The following MAGI3 variants were observed in gnomAD, a reference collection of about 807,000 sequenced individuals.
The protein encoded by MAGI3 is membrane associated guanylate kinase, WW and PDZ domain containing 3, also known as membrane-associated guanylate kinase, WW and PDZ domain-containing protein 3.
MAGI3 carries 43 observed loss-of-function variants against 121.8 expected under a neutral mutation model. The ratio of observed to expected loss-of-function variants is 0.35; its 90% CI spans 0.28 to 0.46. The LOEUF (loss-of-function observed/expected upper bound fraction) is 0.46. Among genes scored for constraint, MAGI3 ranks in the 20% least tolerant of loss-of-function variants. The pLI is 1.00. For missense variants in MAGI3, 1,547 were observed against 1,797.3 expected (o/e 0.86, Z 2.52); for synonymous variants, 553 against 639.3 (o/e 0.86, Z 2.04).
intron 12 of MAGI3, among the ~76,000 whole-genome samples, chr1:113,648,834 C>G: frequency 6.6e-6 from 1 of 152,136 alleles, no homozygotes; most frequent in Non-Finnish European, 1.5e-5. Flanking sequence ...TACAGGCACT[C>G]TATACAGCAG....
intron 1 of MAGI3, among the ~76,000 whole-genome samples, chr1:113,489,844 A>G (rs1161707200): frequency 1.3e-5 from 2 of 152,116 alleles, no homozygotes; most frequent in Non-Finnish European, 2.9e-5. Flanking sequence ...TAGAGGCAAA[A>G]GAATGAAAAG....
intron 6 of MAGI3, among the ~76,000 whole-genome samples, chr1:113,603,844 T>C (rs1649565711): frequency 6.6e-6 from 1 of 152,046 alleles, no homozygotes; most frequent in African/African-American, 2.4e-5. Context: ...ACAAATTACA[T>C]GAATTGGCAT....
At chr1:113,487,078 A>G (rs977207094) in intron 1 of MAGI3, among the ~76,000 whole-genome samples, 7 of 152,176 alleles carry the variant, frequency 4.6e-5, no homozygotes, top group African/African-American at 1.2e-4. Flanking sequence ...CTAAAATTCT[A>G]TGGCTTTCAA....
chr1:113,476,279 G>T (rs1655814821), intron 1 of MAGI3, among the ~76,000 whole-genome samples: 1 of 151,942 alleles, frequency 6.6e-6, no homozygotes, highest in Non-Finnish European at 1.5e-5. Context: ...CAATATGTTT[G>T]CTCTTGCTTC....
intron 1 of MAGI3, among the ~76,000 whole-genome samples, chr1:113,412,875 A>C (rs1181496169): frequency 1.3e-5 from 2 of 152,062 alleles, no homozygotes; most frequent in Non-Finnish European, 2.9e-5. Context: ...GAAGCTCTTT[A>C]ATTTAATTAG....
intron 16 of MAGI3, among the ~76,000 whole-genome samples, chr1:113,664,077 T>C (rs76726048): frequency 0.1 from 15,730 of 152,280 alleles, 1,043 homozygotes; most frequent in East Asian, 0.19. Context: ...TGTTGAATTG[T>C]TTTCTGAATA....
chr1:113,550,219 G>A (rs1659712538), intron 2 of MAGI3, among the ~76,000 whole-genome samples: 1 of 149,606 alleles, frequency 6.7e-6, no homozygotes, highest in Non-Finnish European at 1.5e-5. Flanking sequence ...GACCATCTTA[G>A]CTAACACGGT....
chr1:113,430,008 A>G (rs763440218), intron 1 of MAGI3, among the ~76,000 whole-genome samples: 1 of 152,170 alleles, frequency 6.6e-6, no homozygotes, highest in Non-Finnish European at 1.5e-5. Context: ...ACACTTAGTG[A>G]AACACTGCCA....
chr1:113,637,215 T>C (rs2101813539), intron 9 of MAGI3, among the ~76,000 whole-genome samples: 1 of 152,338 alleles, frequency 6.6e-6, no homozygotes, highest in East Asian at 1.9e-4. Flanking sequence ...AATTGGAGCA[T>C]TTAGTCCATT....
At chr1:113,675,900 C>A (rs1224760438) in intron 19 of MAGI3, among the ~76,000 whole-genome samples, 1 of 152,156 alleles carries the variant, frequency 6.6e-6, no homozygotes, top group African/African-American at 2.4e-5. Context: ...AAATGCAGAA[C>A]CATATGTAAT....
At chr1:113,629,812 C>G (rs1455100938) in intron 9 of MAGI3, among the ~76,000 whole-genome samples, 3 of 135,666 alleles carry the variant, frequency 2.2e-5, no homozygotes, top group Admixed American at 1.5e-4. Context: ...CTTTCTCTCT[C>G]TCTGTGCTGA....
At chr1:113,450,368 T>C in intron 1 of MAGI3, 3 of 1,207,424 alleles carry the variant, frequency 2.5e-6, no homozygotes, top group Non-Finnish European at 3.7e-6. Context: ...GCAGCAGAGG[T>C]AGTTATGGAG....
At chr1:113,600,226 A>G (rs1018485886) in intron 6 of MAGI3, among the ~76,000 whole-genome samples, 8 of 152,188 alleles carry the variant, frequency 5.3e-5, no homozygotes, top group East Asian at 3.8e-4. Flanking sequence ...GGCCAGGGCA[A>G]TTAGGCAGGA....
chr1:113,648,112 G>A (rs1272809550), intron 12 of MAGI3, among the ~76,000 whole-genome samples: 1 of 151,988 alleles, frequency 6.6e-6, no homozygotes, highest in South Asian at 2.1e-4. Context: ...TAGTAGAGAC[G>A]GGGTTTCACC....
intron 1 of MAGI3, among the ~76,000 whole-genome samples, chr1:113,541,227 C>T (rs1327119967): frequency 6.6e-6 from 1 of 152,178 alleles, no homozygotes; most frequent in African/African-American, 2.4e-5. Flanking sequence ...CTGACCAATA[C>T]ATTTGTGATG....
At chr1:113,470,005 T>G (rs1217535046) in intron 1 of MAGI3, among the ~76,000 whole-genome samples, 2 of 152,214 alleles carry the variant, frequency 1.3e-5, no homozygotes, top group Admixed American at 1.3e-4. Context: ...TCTGTTTACG[T>G]GATTCTTTTC....
In MAGI3 at chr1:113,585,969, A is replaced by G. The variant is rs1259475722; in HGVS notation, c.763+373A>G. Among the ~76,000 whole-genome samples the G allele has an allele frequency of 2.6e-5, 4 of 152,260 alleles. No individual in the cohort carries two copies. In the East Asian group the frequency reaches 7.7e-4, roughly 29 times the overall value. ...TTAGAATGTAGACTTCAGCCTAAACAAAGTAAATAGGGCTTGAAAGTATGC... is the reference window on the plus strand; with the variant it reads ...TTAGAATGTAGACTTCAGCCTAAACGAAGTAAATAGGGCTTGAAAGTATGC... On this transcript the variant is annotated intron_variant, in intron 4 of 20. Coordinates refer to ENST00000307546, the MANE Select transcript of MAGI3 (RefSeq NM_001142782.2).
intron 15 of MAGI3, among the ~76,000 whole-genome samples, chr1:113,657,590 G>C (rs1422969860): frequency 6.6e-6 from 1 of 152,182 alleles, no homozygotes; most frequent in Non-Finnish European, 1.5e-5. Flanking sequence ...TATCTAGAAA[G>C]AACACTATGT....
At chr1:113,629,762 C>CT (rs1491387131) in intron 9 of MAGI3, among the ~76,000 whole-genome samples, 8,897 of 133,218 alleles carry the variant, frequency 0.067, 519 homozygotes, top group East Asian at 0.13. Context: ...CTCTCTCTCT[C>CT]CCTCCCTCCC....
Sources: allele counts gnomAD v4.1 joint callset (sites outside exome capture counted in the v4.1 genomes callset), GRCh38; gene constraint gnomAD v4.1.1; transcripts MANE v1.5; gene names NCBI Gene and HGNC (gene_info 2026-07-23, HGNC 2026-07-21).